DLG2: variants seen among roughly 807,000 people sequenced by gnomAD.
The protein encoded by DLG2 is disks large homolog 2.
Under a neutral mutation model 132.5 loss-of-function variants are expected in DLG2, and 45 were observed. The observed-to-expected ratio is 0.34, with a 90% CI of 0.27 to 0.44. The LOEUF is 0.44. Among genes scored for constraint, DLG2 ranks in the 20% least tolerant of loss-of-function variants. DLG2 has a pLI of 1.00. For synonymous variants in DLG2, 424 were observed against 419.6 expected, an observed-to-expected ratio of 1.01 and a Z score of -0.13; for missense variants, 1,045 against 1,196.9, an observed-to-expected ratio of 0.87 and a Z score of 1.87.
chr11:84,617,715 C>A (rs1268790754), intron 6 of DLG2, among the ~76,000 whole-genome samples: 1 of 151,968 alleles, frequency 6.6e-6, no homozygotes, highest in Non-Finnish European at 1.5e-5. Context: ...CCATATAATT[C>A]ATCATTAACA....
At chr11:85,100,170 G>A (rs955886442) in intron 6 of DLG2, among the ~76,000 whole-genome samples, 2 of 152,140 alleles carry the variant, frequency 1.3e-5, no homozygotes, top group South Asian at 2.1e-4. Context: ...TCTGAGGTAA[G>A]TGGAAGTAAG....
At chr11:84,300,305 G>C (rs923550280) in intron 7 of DLG2, among the ~76,000 whole-genome samples, 3 of 152,096 alleles carry the variant, frequency 2.0e-5, no homozygotes, top group Admixed American at 6.5e-5. Flanking sequence ...TCTGTTGCAT[G>C]AACTATTTTT....
At chr11:85,621,433 G>A (rs377461611) in intron 2 of DLG2, among the ~76,000 whole-genome samples, 2 of 152,180 alleles carry the variant, frequency 1.3e-5, no homozygotes, top group Non-Finnish European at 2.9e-5. Flanking sequence ...CTGCCACAGT[G>A]ATTCCCTGAT....
At chr11:85,051,005 A>G (rs1265438231) in intron 6 of DLG2, among the ~76,000 whole-genome samples, 1 of 152,158 alleles carries the variant, frequency 6.6e-6, no homozygotes, top group African/African-American at 2.4e-5. Context: ...TAAGCGAGAC[A>G]GCCAAGCGCC....
intron 7 of DLG2, among the ~76,000 whole-genome samples, chr11:84,443,738 A>AT (rs2099024395): frequency 6.6e-6 from 1 of 152,002 alleles, no homozygotes; most frequent in African/African-American, 2.4e-5. Flanking sequence ...ATAGGGTTAT[A>AT]TTTTTCTTAT....
At chr11:84,797,566 T>C (rs2074810003) in intron 6 of DLG2, among the ~76,000 whole-genome samples, 1 of 152,206 alleles carries the variant, frequency 6.6e-6, no homozygotes, top group African/African-American at 2.4e-5. Flanking sequence ...GAATTTCTGC[T>C]TGCTTCTTTT....
intron 6 of DLG2, among the ~76,000 whole-genome samples, chr11:84,784,143 CAAAAAAAAAAAAA>C (rs59301159): frequency 2.3e-4 from 2 of 8,658 alleles, no homozygotes; most frequent in Non-Finnish European, 3.8e-4. Context: ...ACTAAAAATG[CAAAAAAAAAAAAA>C]AAAAAAAAAA....
At chr11:84,177,944 T>C (rs78431173) in intron 8 of DLG2, among the ~76,000 whole-genome samples, 3,185 of 151,956 alleles carry the variant, frequency 0.021, 111 homozygotes, top group African/African-American at 0.069. Flanking sequence ...TTGCCAACAA[T>C]AGCCATTTCT....
intron 8 of DLG2, among the ~76,000 whole-genome samples, chr11:84,218,821 G>A (rs1334023678): frequency 6.6e-6 from 1 of 152,162 alleles, no homozygotes; most frequent in Non-Finnish European, 1.5e-5. Flanking sequence ...AGAGGCCAGG[G>A]AAGCTGCTAA....
At chr11:84,886,859 AC>A (rs1181634035) in intron 6 of DLG2, among the ~76,000 whole-genome samples, 1 of 152,158 alleles carries the variant, frequency 6.6e-6, no homozygotes, top group Non-Finnish European at 1.5e-5. Context: ...ATTCTGAGAT[AC>A]CTATTTTAAA....
At chr11:84,255,248 A>T (rs1389011980) in intron 7 of DLG2, among the ~76,000 whole-genome samples, 1 of 152,160 alleles carries the variant, frequency 6.6e-6, no homozygotes, top group East Asian at 1.9e-4. Flanking sequence ...CTAAAAACCA[A>T]CTATCCACTT....
intron 3 of DLG2, among the ~76,000 whole-genome samples, chr11:85,496,403 C>T (rs560287503): frequency 2.0e-5 from 3 of 152,286 alleles, no homozygotes; most frequent in Non-Finnish European, 2.9e-5. Flanking sequence ...CACAATGTAA[C>T]AAAGTGGCAG....
chr11:83,578,999 T>A (rs1026968506), intron 19 of DLG2, among the ~76,000 whole-genome samples: 1 of 152,196 alleles, frequency 6.6e-6, no homozygotes, highest in Admixed American at 6.5e-5. Context: ...TTCCTCCTTG[T>A]TGCTTTACAT....
chr11:84,418,763 C>T (rs951378863), intron 7 of DLG2, among the ~76,000 whole-genome samples: 13 of 152,180 alleles, frequency 8.5e-5, no homozygotes, highest in African/African-American at 1.2e-4. Flanking sequence ...AGAATAAATA[C>T]GCTTAGGTTC....
At chr11:83,813,923 C>A (rs887378175) in intron 17 of DLG2, among the ~76,000 whole-genome samples, 1 of 152,092 alleles carries the variant, frequency 6.6e-6, no homozygotes, top group Non-Finnish European at 1.5e-5. Flanking sequence ...GATAAGAAAA[C>A]TGAGGCACAG....
At chr11:84,264,494 G>C (rs2097586330) in intron 7 of DLG2, among the ~76,000 whole-genome samples, 1 of 152,172 alleles carries the variant, frequency 6.6e-6, no homozygotes, top group African/African-American at 2.4e-5. Context: ...CTGTGGGCTA[G>C]AGGAGAGATG....
intron 7 of DLG2, among the ~76,000 whole-genome samples, chr11:84,324,832 T>C (rs1049734616): frequency 6.6e-6 from 1 of 152,160 alleles, no homozygotes; most frequent in Non-Finnish European, 1.5e-5. Context: ...TTACTGTTAG[T>C]GTATAGAAAC....
chr11:84,673,080 A>C (rs1470190071), intron 6 of DLG2, among the ~76,000 whole-genome samples: 1 of 151,940 alleles, frequency 6.6e-6, no homozygotes, highest in Non-Finnish European at 1.5e-5. Context: ...CCCATGACCC[A>C]CTCACCTCCC....
At chr11:83,712,312 C>A (rs142542638) in intron 18 of DLG2, among the ~76,000 whole-genome samples, 1 of 152,088 alleles carries the variant, frequency 6.6e-6, no homozygotes, top group Non-Finnish European at 1.5e-5. Flanking sequence ...ATATACACCA[C>A]GGAATACCAT....
Sources: gnomAD v4.1 joint callset for allele counts (sites outside exome capture counted in the v4.1 genomes callset) on GRCh38, gnomAD v4.1.1 for gene constraint, MANE v1.5 for transcripts, NCBI Gene and HGNC (gene_info 2026-07-23, HGNC 2026-07-21) for gene names.